The following NXPE2 variants were observed in gnomAD, a reference collection of about 807,000 sequenced individuals.
The protein encoded by NXPE2 is NXPE family member 2.
A neutral mutation model predicts 34.4 loss-of-function variants in NXPE2; 34 were observed. That is an observed-to-expected ratio of 0.99 (90% CI 0.75 to 1.31). The LOEUF is 1.31. Ranked by LOEUF, NXPE2 falls within the 40% of genes most tolerant of loss-of-function variation. NXPE2 has a pLI of 0.00. For missense variants in NXPE2, 649 were observed against 672.5 expected (o/e 0.97, Z 0.39); for synonymous variants, 235 against 231.3 (o/e 1.02, Z -0.15).
the NXPE2 span, among the ~76,000 whole-genome samples, chr11:114,811,249 TG>T: frequency 2.6e-5 from 4 of 151,260 alleles, no homozygotes; most frequent in Middle Eastern, 3.4e-3. Flanking sequence ...GACGAGTTAG[TG>T]GGTTCGGCAC....
At chr11:114,570,838 G>C in the NXPE2 span, 2 of 748,192 alleles carry the variant, frequency 2.7e-6, no homozygotes, top group Non-Finnish European at 4.3e-6. Flanking sequence ...CTCTGCTCTT[G>C]CTAGTTGGGA....
the NXPE2 span, among the ~76,000 whole-genome samples, chr11:114,796,619 T>G: frequency 6.6e-6 from 1 of 152,204 alleles, no homozygotes; most frequent in African/African-American, 2.4e-5. Flanking sequence ...TTCTGTTGAT[T>G]TACTTATCTA....
the NXPE2 span, among the ~76,000 whole-genome samples, chr11:114,784,417 G>A: frequency 6.6e-6 from 1 of 152,116 alleles, no homozygotes; most frequent in Non-Finnish European, 1.5e-5. Context: ...GAGTCCTGCT[G>A]TTGTCTCAAT....
At chr11:114,602,082 T>A in the NXPE2 span, among the ~76,000 whole-genome samples, 2 of 94,726 alleles carry the variant, frequency 2.1e-5, no homozygotes, top group South Asian at 3.5e-4. Context: ...ATTCTATATT[T>A]TATTATATAT....
chr11:114,583,709 G>A, the NXPE2 span: 4 of 565,018 alleles, frequency 7.1e-6, no homozygotes, highest in African/African-American at 5.7e-5. Context: ...CTTCTGTTAT[G>A]TTAATGATAC....
At chr11:114,701,209 A>T (rs1396127189) in intron 3 of NXPE2, among the ~76,000 whole-genome samples, 2 of 152,190 alleles carry the variant, frequency 1.3e-5, no homozygotes, top group Admixed American at 1.3e-4. Context: ...TCTCAGAATT[A>T]TGTCTTAAGT....
At chr11:114,747,025 T>C in the NXPE2 span, among the ~76,000 whole-genome samples, 3 of 152,184 alleles carry the variant, frequency 2.0e-5, no homozygotes, top group African/African-American at 7.2e-5. Context: ...CTTTGGCTAA[T>C]TTGTAGTAGT....
At chr11:114,546,682 C>A in the NXPE2 span, among the ~76,000 whole-genome samples, 1 of 152,184 alleles carries the variant, frequency 6.6e-6, no homozygotes, top group East Asian at 1.9e-4. Context: ...GTGTCTAGAT[C>A]TTTGTTTCCA....
the NXPE2 span, among the ~76,000 whole-genome samples, chr11:114,633,556 G>A: frequency 1.3e-5 from 2 of 151,176 alleles, no homozygotes; most frequent in African/African-American, 2.4e-5. Flanking sequence ...CTTGTGTGCT[G>A]CACCCATTGA....
chr11:114,674,566 C>T (rs958183145), upstream of NXPE2, among the ~76,000 whole-genome samples: 13 of 150,736 alleles, frequency 8.6e-5, no homozygotes, highest in Non-Finnish European at 8.9e-5. Flanking sequence ...GGAATCAAAA[C>T]ATACCACCAC....
chr11:114,518,985 G>T, the NXPE2 span, among the ~76,000 whole-genome samples: 5 of 152,062 alleles, frequency 3.3e-5, no homozygotes, highest in Middle Eastern at 3.2e-3. Context: ...GTAATGACAG[G>T]TGTATTAATA....
the NXPE2 span, among the ~76,000 whole-genome samples, chr11:114,609,039 G>GT: frequency 6.6e-6 from 1 of 151,820 alleles, no homozygotes; most frequent in Non-Finnish European, 1.5e-5. Context: ...CTCTTACCTG[G>GT]TGGATACTAA....
the NXPE2 span, among the ~76,000 whole-genome samples, chr11:114,620,864 C>T: frequency 4.4e-4 from 67 of 152,026 alleles, no homozygotes; most frequent in African/African-American, 1.6e-3. Context: ...CACTGTTACC[C>T]GATGGATAAT....
At chr11:114,506,958 A>G in the NXPE2 span, among the ~76,000 whole-genome samples, 3 of 152,116 alleles carry the variant, frequency 2.0e-5, no homozygotes, top group Non-Finnish European at 4.4e-5. Context: ...GGTTTTTTGA[A>G]AAAATTAATA....
the NXPE2 span, among the ~76,000 whole-genome samples, chr11:114,524,848 G>A: frequency 1.3e-5 from 2 of 152,086 alleles, no homozygotes; most frequent in Non-Finnish European, 2.9e-5. Context: ...GAATAAGCTT[G>A]AGCATTTTGA....
chr11:114,567,280 C>T, the NXPE2 span, among the ~76,000 whole-genome samples: 3 of 152,008 alleles, frequency 2.0e-5, no homozygotes, highest in Non-Finnish European at 4.4e-5. Context: ...CATGCAGGCC[C>T]CCTGCACAGC....
the NXPE2 span, among the ~76,000 whole-genome samples, chr11:114,786,839 G>A: frequency 5.3e-5 from 8 of 151,940 alleles, no homozygotes; most frequent in African/African-American, 7.3e-5. Flanking sequence ...CAAGCCCCAC[G>A]CATGGTTCAC....
At chr11:114,634,271 G>C in the NXPE2 span, among the ~76,000 whole-genome samples, 1 of 151,990 alleles carries the variant, frequency 6.6e-6, no homozygotes. Flanking sequence ...CTTTTGAGAA[G>C]TGTCTGTTCA....
At chr11:114,802,308 C>T in the NXPE2 span, among the ~76,000 whole-genome samples, 2 of 152,222 alleles carry the variant, frequency 1.3e-5, no homozygotes, top group Admixed American at 1.3e-4. Context: ...AGTCTAATTC[C>T]ATCTGTAGTC....
Sources: allele counts gnomAD v4.1 joint callset (sites outside exome capture counted in the v4.1 genomes callset), GRCh38; gene constraint gnomAD v4.1.1; transcripts MANE v1.5; gene names NCBI Gene and HGNC (gene_info 2026-07-23, HGNC 2026-07-21).